SEC31A: variants seen among roughly 807,000 people sequenced by gnomAD.
The protein encoded by SEC31A is SEC31 homolog A, COPII component.
In SEC31A, 70 loss-of-function variants were observed where a neutral mutation model predicts 151.0. The ratio of observed to expected loss-of-function variants is 0.46; its 90% CI spans 0.38 to 0.57. SEC31A has a LOEUF of 0.57. Among genes scored for constraint, SEC31A ranks in the 20% least tolerant of loss-of-function variants. SEC31A has a pLI of 0.00. For missense variants in SEC31A, 1,330 were observed against 1,471.2 expected (o/e 0.90, Z 1.57); for synonymous variants, 475 against 505.9 (o/e 0.94, Z 0.82).
intron 21 of SEC31A, among the ~76,000 whole-genome samples, chr4:82,843,132 T>G (rs1014736793): frequency 6.6e-6 from 1 of 151,542 alleles, no homozygotes; most frequent in African/African-American, 2.4e-5. Flanking sequence ...GTTGTGGGTT[T>G]TTTTTTTTTT....
At chr4:82,837,158 CAT>C (rs138120291) in intron 22 of SEC31A, among the ~76,000 whole-genome samples, 753 of 42,600 alleles carry the variant, frequency 0.018, 7 homozygotes, top group East Asian at 0.063. Flanking sequence ...TAAATTTTAT[CAT>C]ATATATATAT....
At chr4:82,833,279 G>A (rs190745561) in intron 22 of SEC31A, among the ~76,000 whole-genome samples, 4 of 151,566 alleles carry the variant, frequency 2.6e-5, no homozygotes, top group Admixed American at 6.6e-5. Flanking sequence ...GCTGGAAACC[G>A]TCATTCTCAG....
chr4:82,888,449 T>C (rs1394458934), intron 1 of SEC31A, among the ~76,000 whole-genome samples: 6 of 113,842 alleles, frequency 5.3e-5, no homozygotes, highest in African/African-American at 2.2e-4. Context: ...CCCAGCACTT[T>C]GGAAGGCCGA....
chr4:82,842,075 A>G (rs1729044397), intron 22 of SEC31A, 65 bp downstream of exon 22: 8 of 1,277,150 alleles, frequency 6.3e-6, no homozygotes, highest in Non-Finnish European at 8.7e-6. Context: ...ATACCCCTCC[A>G]TCCACCCATC....
rs558813329 is a variant in SEC31A at position 82,859,569 on chromosome 4, A to G, written c.1627-1805T>C. 3.9e-5 allele frequency among the ~76,000 whole-genome samples: 6 copies of G among 152,282 alleles called. No individual in the cohort carries two copies. The South Asian group carries it at 1.2e-3, about 32-fold the overall frequency. ...TTCAGTGGCATTTTAGAACTGGGTAATTTTAATGCAGAGTACAGCACTGCA... is the reference window on the plus strand; with the variant it reads ...TTCAGTGGCATTTTAGAACTGGGTAGTTTTAATGCAGAGTACAGCACTGCA... On this transcript the variant is annotated intron_variant, in intron 14 of 26. Transcript: ENST00000395310.
intron 22 of SEC31A, among the ~76,000 whole-genome samples, chr4:82,837,412 T>C (rs1287726211): frequency 6.6e-6 from 1 of 151,968 alleles, no homozygotes; most frequent in East Asian, 1.9e-4. Flanking sequence ...AAGTTTTTTT[T>C]GTTGTTTTGA....
intron 1 of SEC31A, among the ~76,000 whole-genome samples, chr4:82,884,902 T>C (rs1007999548): frequency 6.6e-6 from 1 of 152,218 alleles, no homozygotes; most frequent in Non-Finnish European, 1.5e-5. Context: ...ACCGAAACAG[T>C]GAATTAAGTC....
chr4:82,853,639 T>C lies in SEC31A; in HGVS notation c.2085A>G (p.Ala695=), dbSNP rs376781141. Residue 695 remains alanine, a synonymous_variant, in exon 18 of 27, where the codon GCA becomes GCG. Transcript: ENST00000395310. ...ATGCAACTAATTTCTCTACATTCCC[T>C]GCACAAATATAGCAGAGACATGCTT... ...QTQACLCYIC[A]GNVEKLVACW... is the part of the protein sequence containing the mutation. 1.2e-6 allele frequency: 2 copies of C among 1,604,766 alleles called. No homozygotes were observed. Among genetic ancestry groups the C allele is most frequent in the Non-Finnish European group, 1.7e-6 (2 of 1,177,812 alleles).
intron 6 of SEC31A, among the ~76,000 whole-genome samples, chr4:82,872,441 G>A (rs1047400371): frequency 1.1e-4 from 16 of 152,006 alleles, no homozygotes; most frequent in African/African-American, 3.9e-4. Context: ...CACCCACCTC[G>A]GCCTCCTAAA....
intron 18 of SEC31A, among the ~76,000 whole-genome samples, chr4:82,853,057 C>T (rs1731798567): frequency 6.6e-6 from 1 of 152,230 alleles, no homozygotes; most frequent in Non-Finnish European, 1.5e-5. Context: ...CCACTGCTCA[C>T]CTCTTGCTGT....
At chr4:82,859,205 G>A (rs1733505022) in intron 14 of SEC31A, among the ~76,000 whole-genome samples, 1 of 151,950 alleles carries the variant, frequency 6.6e-6, no homozygotes, top group Non-Finnish European at 1.5e-5. Flanking sequence ...TTAAATTCAA[G>A]TATACATTTT....
intron 1 of SEC31A, among the ~76,000 whole-genome samples, chr4:82,884,297 A>T (rs1740128583): frequency 6.6e-6 from 1 of 152,048 alleles, no homozygotes; most frequent in African/African-American, 2.4e-5. Flanking sequence ...CCATCATTCG[A>T]CAATTTTTCT....
At chr4:82,839,543 C>T (rs1332354756) in intron 22 of SEC31A, among the ~76,000 whole-genome samples, 1 of 152,212 alleles carries the variant, frequency 6.6e-6, no homozygotes, top group Non-Finnish European at 1.5e-5. Flanking sequence ...GCCTCGGCCT[C>T]CCAAAGTGGC....
intron 20 of SEC31A, among the ~76,000 whole-genome samples, chr4:82,847,622 C>T (rs1360993829): frequency 1.3e-5 from 2 of 152,164 alleles, no homozygotes; most frequent in African/African-American, 2.4e-5. Context: ...GAAATTCAAG[C>T]TCTGTGTCTT....
Position 82,874,601 on chromosome 4 carries a change from A to T in SEC31A, c.639+10T>A. On this transcript the variant is annotated intron_variant, in intron 6 of 26. Transcript: ENST00000395310. ...ACAACATGTTCATCACAAGTCAATC[A>T]CATACTTACTCTGTTACTATGGTCA... The T allele has an allele frequency of 6.3e-7, 1 of 1,592,834 alleles. No individual in the cohort carries two copies. Among genetic ancestry groups the T allele is most frequent in the South Asian group, 1.1e-5 (1 of 87,064 alleles).
At chr4:82,829,962 T>C (rs1025736116) in intron 22 of SEC31A, among the ~76,000 whole-genome samples, 1 of 152,236 alleles carries the variant, frequency 6.6e-6, no homozygotes, top group African/African-American at 2.4e-5. Context: ...AGGAAGCAGA[T>C]ACTTGCTAAA....
intron 22 of SEC31A, among the ~76,000 whole-genome samples, chr4:82,841,465 T>TATACACACACAC (rs1728799807): frequency 9.7e-6 from 1 of 103,198 alleles, no homozygotes; most frequent in African/African-American, 3.6e-5. Flanking sequence ...TATATATATA[T>TATACACACACAC]ATACACACAC....
chr4:82,881,780 A>G, intron 2 of SEC31A, 78 bp downstream of exon 2: 5 of 1,098,958 alleles, frequency 4.5e-6, no homozygotes, highest in Admixed American at 1.8e-5. Context: ...TAGAGAAGAT[A>G]AAGCTTAAAC....
chr4:82,894,062 G>A (rs1482308774), upstream of SEC31A: 2 of 152,200 alleles, frequency 1.3e-5, no homozygotes, highest in Non-Finnish European at 2.9e-5. Flanking sequence ...TTGTTGTGGT[G>A]AAGAACTCTC....
Sources: gnomAD v4.1 joint callset for allele counts (sites outside exome capture counted in the v4.1 genomes callset) on GRCh38, gnomAD v4.1.1 for gene constraint, MANE v1.5 for transcripts, NCBI Gene and HGNC (gene_info 2026-07-23, HGNC 2026-07-21) for gene names.